The following F13B variants were observed in gnomAD, a reference collection of about 807,000 sequenced individuals.
F13B encodes the protein coagulation factor XIII B chain.
Under a neutral mutation model 79.8 loss-of-function variants are expected in F13B, and 58 were observed. The ratio of observed to expected loss-of-function variants is 0.73; its 90% CI spans 0.59 to 0.90. The LOEUF is 0.90. Among genes scored for constraint, F13B ranks in the 40% least tolerant of loss-of-function variants. The pLI, the probability that F13B is intolerant of heterozygous loss-of-function variation, is 0.00. For synonymous variants in F13B, 283 were observed against 260.3 expected (o/e 1.09, Z -0.84); for missense variants, 773 against 777.0 (o/e 0.99, Z 0.06).
intron 7 of F13B, 57 bp downstream of exon 7, chr1:197,056,956 G>A: frequency 6.3e-7 from 1 of 1,583,066 alleles, no homozygotes; most frequent in Admixed American, 1.7e-5. Context: ...TAAAGTAACA[G>A]AATGGAAAAT....
Position 197,052,803 on chromosome 1 carries a change from G to C in F13B, c.1386C>G (p.Asn462Lys). Reference sequence around the variant, plus strand: ...TCCACTTCATTTCTATGTTATTTCTGTTCATGTAATCCACATTAACAGTAC... The same window carrying C: ...TCCACTTCATTTCTATGTTATTTCTCTTCATGTAATCCACATTAACAGTAC... ...EPCTVNVDYM[N>K]RNNIEMKWKY... The change falls in exon 9 of 12, where the codon AAC (asparagine) becomes AAG (lysine). Residue 462 changes from asparagine (N) to lysine (K), a missense_variant. Coordinates refer to ENST00000367412, the MANE Select transcript of F13B (RefSeq NM_001994.3). 6.2e-7 allele frequency: 1 copy of C among 1,609,658 alleles called. No homozygotes were observed. Among genetic ancestry groups the C allele is most frequent in the South Asian group, 1.1e-5 (1 of 90,872 alleles).
Position 197,052,667 on chromosome 1 carries a change from C to G in F13B, c.1522G>C (p.Gly508Arg). The G allele has an allele frequency of 6.2e-7, 1 of 1,611,448 alleles. No homozygotes were observed. The highest frequency in any genetic ancestry group is 8.5e-7 in the Non-Finnish European group (1 of 1,178,514). ...LSELSVQCNR[G>R]EVKYPLCTRK... ...GTACATAAAGGATATTTCACTTCTC[C>G]TCTGTTGCACTGCACAGATAATTCA... Residue 508 changes from glycine to arginine, a missense_variant, in exon 9 of 12, where the codon GGA becomes CGA. Coordinates refer to ENST00000367412, the MANE Select transcript of F13B (RefSeq NM_001994.3).
rs150663244 is a variant in F13B at position 197,061,863 on chromosome 1, G to T, written c.372C>A (p.Thr124=). 3.7e-6 allele frequency: 6 copies of T among 1,613,170 alleles called. No homozygotes were observed. The East Asian group carries it at 1.3e-4, about 36-fold the overall frequency. ...MRYGCASGYK[T]TGGKDEEVVQ... Reference sequence around the variant, plus strand: ...CCACTTCTTCATCCTTCCCTCCAGTGGTTTTGTACCCTGAAGCGCAACCAT... The same window carrying T: ...CCACTTCTTCATCCTTCCCTCCAGTTGTTTTGTACCCTGAAGCGCAACCAT... The change falls in exon 3 of 12, where the codon ACC becomes ACA. Residue 124 remains threonine, a synonymous_variant. Transcript: ENST00000367412.
chr1:197,061,970 C>G lies in F13B; in HGVS notation c.266-1G>C, dbSNP rs1372653744. On this transcript the variant is annotated splice_acceptor_variant, in intron 2 of 11. Transcript: ENST00000367412. LOFTEE classifies it high-confidence loss of function. ...CTCAGGTCAGGCTTAGTGCATTTTTCTATGGGAAAAAAAATTATTTAACTT... is the reference window on the plus strand; with the variant it reads ...CTCAGGTCAGGCTTAGTGCATTTTTGTATGGGAAAAAAAATTATTTAACTT... The G allele has an allele frequency of 1.5e-5, 24 of 1,609,488 alleles. No individual in the cohort carries two copies. Among genetic ancestry groups the G allele is most frequent in the Non-Finnish European group, 2.0e-5 (23 of 1,177,250 alleles).
chr1:197,040,816 T>C (rs1161367257), intron 10 of F13B, 81 bp from the exon 11 acceptor site: 1 of 1,159,650 alleles, frequency 8.6e-7, no homozygotes, highest in Non-Finnish European at 1.2e-6. Context: ...GGAATCGTTG[T>C]GTTGCCTACT....
chr1:197,039,555 A>C (rs1654960607), intron 11 of F13B, 144 bp from the exon 12 acceptor site: 1 of 642,268 alleles, frequency 1.6e-6, no homozygotes, highest in African/African-American at 1.8e-5. Context: ...CTTAGTAAAT[A>C]ATACCACCAG....
intron 10 of F13B, among the ~76,000 whole-genome samples, chr1:197,046,890 G>A (rs1428042159): frequency 6.6e-6 from 1 of 152,098 alleles, no homozygotes; most frequent in Non-Finnish European, 1.5e-5. Context: ...TGACAAACCT[G>A]ACAAAAACAA....
intron 1 of F13B, among the ~76,000 whole-genome samples, chr1:197,066,888 T>C (rs1656070583): frequency 6.6e-6 from 1 of 152,106 alleles, no homozygotes; most frequent in Non-Finnish European, 1.5e-5. Flanking sequence ...CCTGAAAACC[T>C]TTTCGAAGTA....
intron 1 of F13B, among the ~76,000 whole-genome samples, chr1:197,064,056 G>A (rs1026597460): frequency 6.6e-6 from 1 of 152,072 alleles, no homozygotes; most frequent in African/African-American, 2.4e-5. Flanking sequence ...TAGAGACCTG[G>A]TACTTAGCAT....
chr1:197,065,434 T>G (rs1230658033), intron 1 of F13B, among the ~76,000 whole-genome samples: 3 of 152,090 alleles, frequency 2.0e-5, no homozygotes, highest in Admixed American at 6.6e-5. Flanking sequence ...CATGAAGCGA[T>G]GGACACACTT....
intron 10 of F13B, among the ~76,000 whole-genome samples, chr1:197,046,442 G>T (rs537874985): frequency 2.0e-5 from 3 of 152,094 alleles, no homozygotes; most frequent in Non-Finnish European, 4.4e-5. Context: ...AAATACCTAG[G>T]AATCCAACTT....
intron 9 of F13B, 65 bp downstream of exon 9, chr1:197,052,569 A>T (rs1655485854): frequency 1.8e-6 from 2 of 1,081,264 alleles, no homozygotes; most frequent in Admixed American, 4.0e-5. Context: ...CTATAAATAA[A>T]TTTTCAACCG....
chr1:197,061,210 AT>A, intron 3 of F13B, 135 bp from the exon 4 acceptor site: 1 of 499,660 alleles, frequency 2.0e-6, no homozygotes, highest in South Asian at 3.3e-5. Flanking sequence ...AATAGCCCCA[AT>A]TTTTCTTTGC....
chr1:197,052,621 A>G lies in F13B; in HGVS notation c.1555+13T>C. The G allele has an allele frequency of 6.3e-7, 1 of 1,589,084 alleles. No individual in the cohort carries two copies. Among genetic ancestry groups the G allele is most frequent in the Non-Finnish European group, 8.6e-7 (1 of 1,159,490 alleles). ...TCAAGTAAAGATACTTGCAGAGAAC[A>G]TTATTATTTTACCTTTTCTAGTACA... On this transcript the variant is annotated intron_variant, in intron 9 of 11. Transcript: ENST00000367412.
intron 10 of F13B, 56 bp from the exon 11 acceptor site, chr1:197,040,791 A>C: frequency 7.0e-7 from 1 of 1,421,996 alleles, no homozygotes; most frequent in East Asian, 2.5e-5. Context: ...ATCTTGTTAC[A>C]TCTTGGTAAG....
At chr1:197,047,300 A>C (rs747022921) in intron 10 of F13B, among the ~76,000 whole-genome samples, 1 of 152,232 alleles carries the variant, frequency 6.6e-6, no homozygotes, top group Non-Finnish European at 1.5e-5. Flanking sequence ...CAAAGAGCTT[A>C]AAAAGTTTAC....
intron 10 of F13B, among the ~76,000 whole-genome samples, chr1:197,048,161 C>T (rs17549755): frequency 3.4e-4 from 50 of 146,976 alleles, no homozygotes; most frequent in Non-Finnish European, 6.8e-4. Flanking sequence ...TATATATATA[C>T]ACACACACCT....
At chr1:197,059,097 TC>T (rs1655752013) in intron 5 of F13B, among the ~76,000 whole-genome samples, 1 of 151,930 alleles carries the variant, frequency 6.6e-6, no homozygotes. Context: ...ACACCTGTAG[TC>T]CCAGCTACTC....
intron 1 of F13B, among the ~76,000 whole-genome samples, chr1:197,064,285 T>C (rs945357458): frequency 3.3e-5 from 5 of 152,034 alleles, no homozygotes; most frequent in African/African-American, 1.2e-4. Flanking sequence ...ACAAACCATA[T>C]TACCCAATAA....
Sources: allele counts gnomAD v4.1 joint callset (sites outside exome capture counted in the v4.1 genomes callset), GRCh38; gene constraint gnomAD v4.1.1; transcripts MANE v1.5; gene names NCBI Gene and HGNC (gene_info 2026-07-23, HGNC 2026-07-21).